CCDC171: variants seen among roughly 807,000 people sequenced by gnomAD.
CCDC171 encodes coiled-coil domain containing 171.
CCDC171 carries 177 observed loss-of-function variants against 168.2 expected under a neutral mutation model. That is an observed-to-expected ratio of 1.05 (90% CI 0.93 to 1.19). The LOEUF (loss-of-function observed/expected upper bound fraction) is 1.19, where lower values mean the gene tolerates loss of function less well. CCDC171 is among the 50% of genes most tolerant of loss of function. The pLI is 0.00. For synonymous variants in CCDC171, 687 were observed against 540.8 expected, an observed-to-expected ratio of 1.27 and a Z score of -3.75; for missense variants, 1,991 against 1,539.0, an observed-to-expected ratio of 1.29 and a Z score of -4.91.
At chr9:15,746,347 C>T (rs921291050) in intron 18 of CCDC171, among the ~76,000 whole-genome samples, 2 of 152,068 alleles carry the variant, frequency 1.3e-5, no homozygotes, top group East Asian at 3.9e-4. Context: ...TTCCACTGTG[C>T]AAATATAGAT....
chr9:15,988,410 T>C (rs1832067364), intron 3 of CCDC171, among the ~76,000 whole-genome samples: 1 of 152,238 alleles, frequency 6.6e-6, no homozygotes, highest in Non-Finnish European at 1.5e-5. Context: ...TTAACAGTTT[T>C]GGTCTTAGAA....
At chr9:16,049,672 C>T (rs1159562105) in intron 1 of CCDC171, among the ~76,000 whole-genome samples, 2 of 152,094 alleles carry the variant, frequency 1.3e-5, no homozygotes, top group Admixed American at 1.3e-4. Context: ...CTGAGGCTTT[C>T]AAGTTTGGAC....
chr9:15,567,210 C>T (rs558917640), intron 2 of CCDC171, among the ~76,000 whole-genome samples: 6 of 152,040 alleles, frequency 3.9e-5, no homozygotes, highest in Non-Finnish European at 5.9e-5. Flanking sequence ...TTAGTAGAGA[C>T]GGGGTTTCAC....
At chr9:15,611,950 G>T (rs1473632808) in intron 6 of CCDC171, among the ~76,000 whole-genome samples, 1 of 152,164 alleles carries the variant, frequency 6.6e-6, no homozygotes, top group Non-Finnish European at 1.5e-5. Flanking sequence ...AGGTCTTGAT[G>T]GTGGAAACCT....
At chr9:15,891,108 C>T (rs1362547598) in intron 24 of CCDC171, among the ~76,000 whole-genome samples, 3 of 152,062 alleles carry the variant, frequency 2.0e-5, no homozygotes, top group African/African-American at 7.2e-5. Flanking sequence ...TTTTTAGCAC[C>T]TCTGTCCAAA....
chr9:16,059,508 T>TC (rs1833897120), intron 1 of CCDC171, among the ~76,000 whole-genome samples: 5 of 63,242 alleles, frequency 7.9e-5, no homozygotes, highest in African/African-American at 6.5e-4. Flanking sequence ...TTTTTTTCTT[T>TC]TTTTTTTTTT....
chr9:16,103,934 T>C, the CCDC171 span, among the ~76,000 whole-genome samples: 2 of 152,162 alleles, frequency 1.3e-5, no homozygotes, highest in African/African-American at 4.8e-5. Context: ...TCTAACTGAA[T>C]AGATCAATTT....
At position 15,695,296 on chromosome 9, in the gene CCDC171, C is replaced by A. The variant is rs781501154; in HGVS notation, c.1277C>A (p.Ser426Ter). Residue 426 changes from serine to a stop codon, truncating the protein, a stop_gained, in exon 11 of 26, where the codon TCG becomes TAG. Transcript: ENST00000380701. LOFTEE classifies it high-confidence loss of function. ...GAAAATAACGTGAAAGAATTGGAAT[C>A]GATCTTGGACAGCTTTACTGTGTCG... ...TCENNVKELESILDSFTVSGQ... is the reference protein window; with the variant it reads ...TCENNVKELE The A allele has an allele frequency of 2.5e-6, 4 of 1,614,042 alleles. No individual in the cohort carries two copies. Among genetic ancestry groups the A allele is most frequent in the Middle Eastern group, 3.3e-4 (2 of 6,062 alleles).
chr9:15,618,866 A>G (rs1285429178), intron 6 of CCDC171, among the ~76,000 whole-genome samples: 3 of 150,722 alleles, frequency 2.0e-5, no homozygotes, highest in African/African-American at 7.3e-5. Flanking sequence ...AGTGAGATGA[A>G]CTGTGTACCT....
intron 16 of CCDC171, among the ~76,000 whole-genome samples, chr9:15,743,053 A>G (rs1025041462): frequency 1.3e-4 from 19 of 150,846 alleles, no homozygotes; most frequent in Admixed American, 9.9e-4. Context: ...TGCTGGGATT[A>G]TAGGTGTGAG....
intron 7 of CCDC171, among the ~76,000 whole-genome samples, chr9:15,640,603 A>G (rs2046533417): frequency 6.6e-6 from 1 of 152,134 alleles, no homozygotes; most frequent in Non-Finnish European, 1.5e-5. Flanking sequence ...GTCATGTAGA[A>G]GTGACATTAG....
At chr9:16,055,945 A>G (rs557869937) in intron 1 of CCDC171, among the ~76,000 whole-genome samples, 5 of 152,356 alleles carry the variant, frequency 3.3e-5, no homozygotes, top group South Asian at 2.1e-4. Context: ...TGTACCCTCT[A>G]TATGCCAACA....
intron 3 of CCDC171, among the ~76,000 whole-genome samples, chr9:16,008,825 C>T (rs77528011): frequency 0.05 from 7,534 of 152,146 alleles, 414 homozygotes; most frequent in African/African-American, 0.12. Flanking sequence ...TATTAATTAT[C>T]GCTGCCCTGG....
At chr9:15,715,214 G>A (rs1465517663) in intron 11 of CCDC171, among the ~76,000 whole-genome samples, 3 of 152,186 alleles carry the variant, frequency 2.0e-5, no homozygotes, top group Non-Finnish European at 4.4e-5. Flanking sequence ...TCTCCCAAGA[G>A]ACGTAGTTAG....
intron 8 of CCDC171, among the ~76,000 whole-genome samples, chr9:15,664,329 G>C (rs1382428444): frequency 6.6e-6 from 1 of 152,010 alleles, no homozygotes; most frequent in Non-Finnish European, 1.5e-5. Flanking sequence ...GCTCACTACA[G>C]CCTTGACTTC....
Position 15,971,696 on chromosome 9 carries a change from T to C in CCDC171, c.3841T>C (p.Leu1281=), listed in dbSNP as rs778869163. Residue 1281 remains leucine, a synonymous_variant, in exon 26 of 26, where the codon TTG becomes CTG. Coordinates refer to ENST00000380701, the MANE Select transcript of CCDC171 (RefSeq NM_173550.4). ...AACTGGTATTGGGGATTTCTTACCA[T>C]TGAAAGCTGAACTTGATACTACTTA... is the stretch of plus-strand genomic sequence containing the variant. ...DTTGIGDFLP[L]KAELDTTYTF... is the part of the protein sequence containing the mutation. The C allele has an allele frequency of 1.2e-6, 2 of 1,613,920 alleles. No individual in the cohort carries two copies. Among genetic ancestry groups the C allele is most frequent in the South Asian group, 1.1e-5 (1 of 91,064 alleles).
chr9:15,898,343 C>G (rs1821172398), intron 24 of CCDC171, among the ~76,000 whole-genome samples: 1 of 152,098 alleles, frequency 6.6e-6, no homozygotes, highest in Admixed American at 6.6e-5. Flanking sequence ...AGTGCATATA[C>G]CCCTCAGATT....
intron 7 of CCDC171, among the ~76,000 whole-genome samples, chr9:15,635,088 G>A (rs2046099019): frequency 6.6e-6 from 1 of 152,146 alleles, no homozygotes; most frequent in Non-Finnish European, 1.5e-5. Flanking sequence ...TAAAGGGACA[G>A]AACTAATAGT....
At chr9:16,095,542 T>TCC in the CCDC171 span, among the ~76,000 whole-genome samples, 1 of 150,542 alleles carries the variant, frequency 6.6e-6, no homozygotes, top group Admixed American at 6.6e-5. Flanking sequence ...CGCTCTCTCT[T>TCC]TCTCTCTCTC....
Sources: gnomAD v4.1 joint callset for allele counts (sites outside exome capture counted in the v4.1 genomes callset) on GRCh38, gnomAD v4.1.1 for gene constraint, MANE v1.5 for transcripts, NCBI Gene and HGNC (gene_info 2026-07-23, HGNC 2026-07-21) for gene names.